The following RER1 variants were observed in gnomAD, a reference collection of about 807,000 sequenced individuals.
RER1 encodes protein RER1.
Under a neutral mutation model 28.3 loss-of-function variants are expected in RER1, and 6 were observed. The observed-to-expected ratio is 0.21, with a 90% CI of 0.12 to 0.42. The LOEUF (loss-of-function observed/expected upper bound fraction) is 0.42, where lower values mean the gene tolerates loss of function less well. RER1 is among the 10% of genes least tolerant of loss of function. The pLI is 1.00. For synonymous variants in RER1, 110 were observed against 95.9 expected (o/e 1.15, Z -0.86); for missense variants, 159 against 252.9 (o/e 0.63, Z 2.52).
chr1:2,392,233 C>T (rs1411583800), intron 1 of RER1, among the ~76,000 whole-genome samples: 1 of 152,090 alleles, frequency 6.6e-6, no homozygotes, highest in Non-Finnish European at 1.5e-5. Flanking sequence ...CGGGCGGGGG[C>T]TGCAGCCCTC....
chr1:2,397,588 G>C (rs1366813469), intron 3 of RER1, among the ~76,000 whole-genome samples: 2 of 152,210 alleles, frequency 1.3e-5, no homozygotes, highest in Non-Finnish European at 2.9e-5. Flanking sequence ...AAGAGTCCAT[G>C]CCTTGGGTGT....
At position 2,403,213 on chromosome 1, in the gene RER1, T is replaced by C; in HGVS notation, c.*89T>C. On this transcript the variant is annotated 3_prime_UTR_variant, in exon 7 of 7. Transcript: ENST00000605895. ...TTTTTCTTCACATAAAGTAGTTGAT[T>C]ACGAGGGAGTCAAATTTTCTTTTTA... 4 of 951,112 alleles carry C rather than the reference T, an allele frequency of 4.2e-6. No individual in the cohort carries two copies. The highest frequency in any genetic ancestry group is 6.7e-6 in the Non-Finnish European group (4 of 597,848). 58.9% of individuals were successfully genotyped at this position (951,112 alleles called of 1,614,324 possible). A position where few individuals can be genotyped will look rare whatever the true frequency, so the allele number is the denominator to read the frequency against.
At chr1:2,396,678 C>CTGTG (rs1185099991) in intron 2 of RER1, among the ~76,000 whole-genome samples, 3 of 152,252 alleles carry the variant, frequency 2.0e-5, no homozygotes, top group African/African-American at 7.2e-5. Context: ...GGGGCTCAGG[C>CTGTG]TGTGGCCAGT....
chr1:2,401,163 CG>C lies in RER1; in HGVS notation c.365+230del, dbSNP rs538575110. Among the ~76,000 whole-genome samples the C allele has an allele frequency of 1.1e-3, 161 of 151,838 alleles. 1 individual carries two copies. Among genetic ancestry groups the C allele is most frequent in the African/African-American group, 3.6e-3 (151 of 41,402 alleles). ...GTTGAGTCTGGGATGGAGTGCGCAC[CG>C]GCTTCTGTGGTTGTGGCCTGGGGAG... On this transcript the variant is annotated intron_variant, in intron 5 of 6. Transcript: ENST00000605895.
intron 3 of RER1, among the ~76,000 whole-genome samples, chr1:2,398,264 G>T (rs992043186): frequency 1.3e-5 from 2 of 152,256 alleles, no homozygotes; most frequent in East Asian, 3.8e-4. Context: ...CCTCACATCC[G>T]GCGTTCAGCC....
rs1570075502 is a variant in RER1 at position 2,395,663 on chromosome 1, G to T, written c.-7-121G>T. On this transcript the variant is annotated intron_variant, in intron 1 of 6. Coordinates refer to ENST00000605895, the MANE Select transcript of RER1 (RefSeq NM_007033.5). ...AACAATTCATGGTAAAAACACAAAT[G>T]GTATATGGACAAAATACTGAATGTG... The T allele has an allele frequency of 4.1e-6, 3 of 727,356 alleles. No individual in the cohort carries two copies. In the Admixed American group the frequency reaches 6.6e-5, roughly 16 times the overall value. 45.1% of individuals were successfully genotyped at this position (727,356 alleles called of 1,614,324 possible). A position where few individuals can be genotyped will look rare whatever the true frequency, so the allele number is the denominator to read the frequency against.
chr1:2,402,402 TGGG>T, intron 6 of RER1, 60 bp downstream of exon 6: 1 of 1,608,076 alleles, frequency 6.2e-7, no homozygotes, highest in Non-Finnish European at 8.5e-7. Flanking sequence ...CCCGCAGCAT[TGGG>T]GGAGCTGTGC....
At chr1:2,395,452 T>G (rs1642755465) in intron 1 of RER1, 1 of 347,408 alleles carries the variant, frequency 2.9e-6, no homozygotes, top group Admixed American at 3.9e-5. Flanking sequence ...CCACGTGCCA[T>G]GGACCAGCCA....
Position 2,403,222 on chromosome 1 carries a change from G to A in RER1, c.*98G>A. The A allele has an allele frequency of 1.1e-6, 1 of 895,126 alleles. No homozygotes were observed. The highest frequency in any genetic ancestry group is 2.2e-5 in the Admixed American group (1 of 44,826). The allele number at this position is 895,126 out of a possible 1,614,324, so 55.4% of individuals were successfully genotyped here. A position where few individuals can be genotyped will look rare whatever the true frequency, so the allele number is the denominator to read the frequency against. On this transcript the variant is annotated 3_prime_UTR_variant, in exon 7 of 7. Transcript: ENST00000605895. ...ACATAAAGTAGTTGATTACGAGGGAGTCAAATTTTCTTTTTAAAAAGGAGC... is the reference window on the plus strand; with the variant it reads ...ACATAAAGTAGTTGATTACGAGGGAATCAAATTTTCTTTTTAAAAAGGAGC...
At position 2,394,180 on chromosome 1, in the gene RER1, A is replaced by T. The variant is rs3806167; in HGVS notation, c.-7-1604A>T. The T allele has an allele frequency of 3.9e-5, 6 of 152,254 alleles. No individual in the cohort carries two copies. In the East Asian group the frequency reaches 1.2e-3, roughly 29 times the overall value. The allele number at this position is 152,254 out of a possible 1,614,324, so 9.4% of individuals were successfully genotyped here. A position where few individuals can be genotyped will look rare whatever the true frequency, so the allele number is the denominator to read the frequency against. ...TATGGAGTTCTTTCAGTGGAGAGTAAAGGTGCTCCTCCTCTGTGTCTGGTT... is the reference window on the plus strand; with the variant it reads ...TATGGAGTTCTTTCAGTGGAGAGTATAGGTGCTCCTCCTCTGTGTCTGGTT... On this transcript the variant is annotated intron_variant, in intron 1 of 6. Coordinates refer to ENST00000605895, the MANE Select transcript of RER1 (RefSeq NM_007033.5).
rs565739549 is a variant in RER1, at chr1:2,400,337, T to G, written c.287-520T>G. On this transcript the variant is annotated intron_variant, in intron 4 of 6. Coordinates refer to ENST00000605895, the MANE Select transcript of RER1 (RefSeq NM_007033.5). ...ACAGCCCCTCTCTGTTGTTGCTGTTTGGAGGAGACTAGAAAATAACAAAGA... is the reference window on the plus strand; with the variant it reads ...ACAGCCCCTCTCTGTTGTTGCTGTTGGGAGGAGACTAGAAAATAACAAAGA... Among the ~76,000 whole-genome samples, 127 of 152,212 alleles carry G rather than the reference T, an allele frequency of 8.3e-4. 1 individual carries two copies. Among genetic ancestry groups the G allele is most frequent in the Non-Finnish European group, 1.6e-3 (109 of 68,028 alleles).
intron 2 of RER1, chr1:2,396,228 C>A: frequency 3.5e-6 from 1 of 288,988 alleles, no homozygotes; most frequent in Non-Finnish European, 6.8e-6. Context: ...GCTGGTAGCC[C>A]CACCTGCCCC....
chr1:2,394,499 C>G (rs1322449946), intron 1 of RER1: 2 of 152,246 alleles, frequency 1.3e-5, no homozygotes, highest in African/African-American at 4.8e-5. Flanking sequence ...GGTTCTGGCT[C>G]CTGCCCACTG....
chr1:2,394,061 G>A (rs1174658853), intron 1 of RER1: 1 of 152,238 alleles, frequency 6.6e-6, no homozygotes, highest in Non-Finnish European at 1.5e-5. Context: ...GCTATAGGAC[G>A]AACAATGTGA....
At chr1:2,399,375 G>A (rs200017332) in intron 3 of RER1, 40 bp from the exon 4 acceptor site, 2 of 1,353,500 alleles carry the variant, frequency 1.5e-6, no homozygotes, top group East Asian at 2.3e-5. Context: ...GCTGATGGAC[G>A]GTCAGAGTGC....
chr1:2,395,966 T>G, intron 2 of RER1, 95 bp downstream of exon 2: 1 of 976,616 alleles, frequency 1.0e-6, no homozygotes, highest in Non-Finnish European at 1.6e-6. Context: ...GTGTTCCTGA[T>G]GGAGAAGTTA....
At position 2,403,816 on chromosome 1, in the gene RER1, G is replaced by A. The variant is rs1057168518; in HGVS notation, c.*692G>A. 4 of 152,508 alleles carry A rather than the reference G, an allele frequency of 2.6e-5. No homozygotes were observed. Among genetic ancestry groups the A allele is most frequent in the African/African-American group, 9.7e-5 (4 of 41,418 alleles). 9.4% of individuals were successfully genotyped at this position (152,508 alleles called of 1,614,324 possible). On this transcript the variant is annotated 3_prime_UTR_variant, in exon 7 of 7. Transcript: ENST00000605895. The stretch of plus-strand genomic sequence containing the variant: ...AGTGTTTTGTTTTTAATTTAAATCT[G>A]TCCTCATGCAACCCTCCATGAGGGG...
At chr1:2,402,505 T>TC (rs70954600) in intron 6 of RER1, among the ~76,000 whole-genome samples, 163 bp downstream of exon 6, 125,639 of 151,940 alleles carry the variant, frequency 0.83, 52,862 homozygotes, top group Non-Finnish European at 0.91. Context: ...ACTGCTCCGT[T>TC]CCCAGCACGG....
rs1254880845 is a variant in RER1, at chr1:2,403,776, T to G, written c.*652T>G. ...ATTGTTTGAGATTATTTTGACACAT[T>G]TCTTTGATACGTAGAGTGTTTTGTT... On this transcript the variant is annotated 3_prime_UTR_variant, in exon 7 of 7. Transcript: ENST00000605895. 6.6e-6 allele frequency: 1 copy of G among 152,616 alleles called. No homozygotes were observed. Among genetic ancestry groups the G allele is most frequent in the Admixed American group, 6.5e-5 (1 of 15,282 alleles). 9.5% of individuals were successfully genotyped at this position (152,616 alleles called of 1,614,324 possible).
Sources: allele counts gnomAD v4.1 joint callset (sites outside exome capture counted in the v4.1 genomes callset), GRCh38; gene constraint gnomAD v4.1.1; transcripts MANE v1.5; gene names NCBI Gene and HGNC (gene_info 2026-07-23, HGNC 2026-07-21).